ZNF208: variants seen among roughly 807,000 people sequenced by gnomAD.
ZNF208 encodes zinc finger protein 208, also known as zinc finger protein 95.
In ZNF208, 10 loss-of-function variants were observed where a neutral mutation model predicts 12.1. That is an observed-to-expected ratio of 0.83 (90% confidence interval 0.51 to 1.40). The LOEUF (loss-of-function observed/expected upper bound fraction) is 1.40. Among genes scored for constraint, ZNF208 ranks in the 40% most tolerant of loss-of-function variants. The pLI is 0.00. For missense variants in ZNF208, 1,652 were observed against 1,485.0 expected (o/e 1.11, Z -1.85); for synonymous variants, 497 against 488.4 (o/e 1.02, Z -0.23).
intron 4 of ZNF208, among the ~76,000 whole-genome samples, chr19:21,958,904 G>A (rs905521095): frequency 9.2e-5 from 14 of 151,988 alleles, no homozygotes; most frequent in African/African-American, 2.7e-4. Flanking sequence ...CCTAACCCAC[G>A]AGTCAGTGCC....
At chr19:21,977,039 T>C (rs1230745151) in intron 3 of ZNF208, among the ~76,000 whole-genome samples, 1 of 152,210 alleles carries the variant, frequency 6.6e-6, no homozygotes, top group East Asian at 1.9e-4. Flanking sequence ...AGTCAAAGAC[T>C]CATATTTTAT....
chr19:21,990,577 C>T (rs1970714487), intron 1 of ZNF208, among the ~76,000 whole-genome samples: 1 of 152,044 alleles, frequency 6.6e-6, no homozygotes, highest in African/African-American at 2.4e-5. Context: ...GTGATGCAGG[C>T]TCTTTTTTGG....
Position 21,969,920 on chromosome 19 carries a change from T to C in ZNF208, c.*1271A>G, listed in dbSNP as rs539302277. ...ACTGGCATTAACAAAAATTTTTTTTTCCAGACAGTCTCTCTCTGTTGCCCA... is the reference window on the plus strand; with the variant it reads ...ACTGGCATTAACAAAAATTTTTTTTCCCAGACAGTCTCTCTCTGTTGCCCA... On this transcript the variant is annotated 3_prime_UTR_variant, in exon 4 of 4. Coordinates refer to ENST00000397126, the MANE Select transcript of ZNF208 (RefSeq NM_007153.3). Among the ~76,000 whole-genome samples, 1 of 152,216 alleles carries C rather than the reference T, an allele frequency of 6.6e-6. No individual in the cohort carries two copies. The highest frequency in any genetic ancestry group is 6.5e-5 in the Admixed American group (1 of 15,280).
In ZNF208 at chr19:21,967,566, G is replaced by C. The variant is rs1170576945; in HGVS notation, c.*3625C>G. 2 of 151,930 alleles carry C rather than the reference G, an allele frequency of 1.3e-5. No individual in the cohort carries two copies. Among genetic ancestry groups the C allele is most frequent in the African/African-American group, 4.8e-5 (2 of 41,360 alleles). The allele number at this position is 151,930 out of a possible 1,614,324, so 9.4% of individuals were successfully genotyped here. A position where few individuals can be genotyped will look rare whatever the true frequency, so the allele number is the denominator to read the frequency against. ...ACACCTGGCTAATTTTTTACATTTA[G>C]TAGAGATGCAGGTTTCACCATGTTG... On this transcript the variant is annotated 3_prime_UTR_variant, in exon 4 of 4. Coordinates refer to ENST00000397126, the MANE Select transcript of ZNF208 (RefSeq NM_007153.3).
Position 21,966,669 on chromosome 19 carries a change from T to C in ZNF208, c.*4522A>G, listed in dbSNP as rs1490179497. ...AATGGCAATTCTATTTCTAGTTCTT[T>C]GAGAAGTCCCCAAACTGCTTTGCAC... is the stretch of plus-strand genomic sequence containing the variant. On this transcript the variant is annotated 3_prime_UTR_variant, in exon 4 of 4. Transcript: ENST00000397126. 6.6e-6 allele frequency: 1 copy of C among 152,134 alleles called. No homozygotes were observed. The highest frequency in any genetic ancestry group is 1.5e-5 in the Non-Finnish European group (1 of 68,016). The allele number at this position is 152,134 out of a possible 1,614,324, so 9.4% of individuals were successfully genotyped here.
intron 4 of ZNF208, among the ~76,000 whole-genome samples, chr19:21,946,735 TG>T (rs1488251089): frequency 1.3e-5 from 2 of 152,194 alleles, no homozygotes. Flanking sequence ...CCTAAGTTTT[TG>T]TCTCTTAGAG....
At chr19:22,001,062 G>C (rs984594445) in intron 1 of ZNF208, among the ~76,000 whole-genome samples, 5 of 152,186 alleles carry the variant, frequency 3.3e-5, no homozygotes, top group Non-Finnish European at 7.3e-5. Context: ...GCTGAGGTGG[G>C]TGGATCACCT....
Position 21,953,901 on chromosome 19 carries a change from T to C in ZNF208, c.306-20664A>G, listed in dbSNP as rs1969930681. Reference sequence around the variant, plus strand: ...GTTTTTGAATGTGTTTGCTCATGCTTCTCTAGTTCTTTTAATTGTGATTGT... The same window carrying C: ...GTTTTTGAATGTGTTTGCTCATGCTCCTCTAGTTCTTTTAATTGTGATTGT... On this transcript the variant is annotated intron_variant, in intron 4 of 4. Coordinates refer to the ZNF208 transcript ENST00000599916. 1.3e-5 allele frequency among the ~76,000 whole-genome samples: 2 copies of C among 152,256 alleles called. 1 individual carries two copies. The highest frequency in any genetic ancestry group is 1.3e-4 in the Admixed American group (2 of 15,284).
At chr19:22,007,642 T>A (rs1971069986) in intron 1 of ZNF208, among the ~76,000 whole-genome samples, 2 of 152,094 alleles carry the variant, frequency 1.3e-5, no homozygotes, top group South Asian at 4.1e-4. Flanking sequence ...CACCTTTTTT[T>A]ATGCCCTTTG....
At chr19:21,949,369 C>T (rs528893544) in intron 4 of ZNF208, among the ~76,000 whole-genome samples, 8 of 152,262 alleles carry the variant, frequency 5.3e-5, no homozygotes, top group African/African-American at 1.9e-4. Flanking sequence ...AACTGCAGTA[C>T]AGTAGATAGG....
At chr19:21,975,153 T>C (rs544493927) in intron 3 of ZNF208, among the ~76,000 whole-genome samples, 1 of 152,286 alleles carries the variant, frequency 6.6e-6, no homozygotes, top group South Asian at 2.1e-4. Flanking sequence ...TCTGTTTGTG[T>C]TTTTTTGTTT....
intron 4 of ZNF208, among the ~76,000 whole-genome samples, chr19:21,942,539 C>T (rs948202344): frequency 2.8e-4 from 42 of 152,198 alleles, no homozygotes; most frequent in African/African-American, 9.9e-4. Flanking sequence ...ATTCTGTCTT[C>T]AATGTTGTTT....
intron 4 of ZNF208, among the ~76,000 whole-genome samples, chr19:21,956,596 T>C (rs1969982430): frequency 6.6e-6 from 1 of 152,218 alleles, no homozygotes; most frequent in Admixed American, 6.5e-5. Context: ...ACTGCTGTGC[T>C]AGCAGTGAGT....
chr19:21,948,151 C>A (rs929998788), intron 4 of ZNF208, among the ~76,000 whole-genome samples: 11 of 152,146 alleles, frequency 7.2e-5, no homozygotes, highest in African/African-American at 2.7e-4. Flanking sequence ...AGGTAACAAA[C>A]CGTCTACAGT....
Position 21,968,649 on chromosome 19 carries a change from T to G in ZNF208, c.*2542A>C, listed in dbSNP as rs1472545519. ...CCCAGAATATTGACCTGTACTTTCC[T>G]TTTTTTGTGGTGCCTTCACTAGATT... On this transcript the variant is annotated 3_prime_UTR_variant, in exon 4 of 4. Transcript: ENST00000397126. 2 of 152,106 alleles carry G rather than the reference T, an allele frequency of 1.3e-5. No homozygotes were observed. Among genetic ancestry groups the G allele is most frequent in the East Asian group, 3.9e-4 (2 of 5,194 alleles). The allele number at this position is 152,106 out of a possible 1,614,324, so 9.4% of individuals were successfully genotyped here.
In ZNF208 at chr19:21,972,759, T is replaced by C. The variant is rs749434148; in HGVS notation, c.2275A>G (p.Lys759Glu). 2.2e-5 allele frequency: 35 copies of C among 1,611,112 alleles called. No homozygotes were observed. Among genetic ancestry groups the C allele is most frequent in the Non-Finnish European group, 2.9e-5 (34 of 1,179,572 alleles). Residue 759 changes from lysine (K) to glutamate (E), a missense_variant, in exon 4 of 4, where the codon AAG becomes GAG. Physicochemically the swap from Lys to Glu is moderately conservative, Grantham distance 56. Transcript: ENST00000397126. The stretch of plus-strand genomic sequence containing the variant: ...TGATAACTAAGGGTTGAGGACCACT[T>C]ATAGGCTTTGCCACATTCTTCACAT... ...YKCEECGKAY[K>E]WSSTLSYHKK...
chr19:21,949,321 G>A (rs1220876727), intron 4 of ZNF208, among the ~76,000 whole-genome samples: 1 of 152,138 alleles, frequency 6.6e-6, no homozygotes, highest in Non-Finnish European at 1.5e-5. Flanking sequence ...AGCTGAAAGG[G>A]AATATAGGGC....
chr19:21,963,130 T>A (rs564211574), downstream of ZNF208, among the ~76,000 whole-genome samples: 67 of 152,210 alleles, frequency 4.4e-4, no homozygotes, highest in Admixed American at 2.8e-3. Flanking sequence ...CTCTTCTTAC[T>A]TTAACAATGA....
At chr19:21,993,559 TA>T (rs1371470981) in intron 1 of ZNF208, among the ~76,000 whole-genome samples, 2 of 152,112 alleles carry the variant, frequency 1.3e-5, no homozygotes, top group African/African-American at 4.8e-5. Context: ...AATGAGCTTA[TA>T]AAATCACTTG....
Sources: gnomAD v4.1 joint callset for allele counts (sites outside exome capture counted in the v4.1 genomes callset) on GRCh38, gnomAD v4.1.1 for gene constraint, MANE v1.5 for transcripts, NCBI Gene and HGNC (gene_info 2026-07-23, HGNC 2026-07-21) for gene names.